DCC: variants seen among roughly 807,000 people sequenced by gnomAD.
DCC encodes the protein netrin receptor DCC.
DCC carries 58 observed loss-of-function variants against 172.5 expected under a neutral mutation model. That is an observed-to-expected ratio of 0.34 (90% CI 0.27 to 0.42). DCC has a LOEUF of 0.42. DCC is among the 10% of genes least tolerant of loss of function. DCC has a pLI of 1.00. For synonymous variants in DCC, 709 were observed against 644.5 expected (o/e 1.10, Z -1.52); for missense variants, 1,740 against 1,791.0 (o/e 0.97, Z 0.51).
At chr18:52,368,184 G>A (rs1984961316) in intron 1 of DCC, among the ~76,000 whole-genome samples, 2 of 152,220 alleles carry the variant, frequency 1.3e-5, no homozygotes, top group Admixed American at 6.5e-5. Context: ...CCTTGAAGGA[G>A]TAGTCACGAG....
chr18:52,362,816 A>G (rs1372513901), intron 1 of DCC, among the ~76,000 whole-genome samples: 1 of 152,144 alleles, frequency 6.6e-6, no homozygotes, highest in Admixed American at 6.6e-5. Flanking sequence ...ATAAACCAAA[A>G]GAGCATTTAT....
chr18:52,416,413 A>G (rs1431025713), intron 1 of DCC, among the ~76,000 whole-genome samples: 1 of 152,056 alleles, frequency 6.6e-6, no homozygotes, highest in Non-Finnish European at 1.5e-5. Context: ...GCTGAGTTCA[A>G]TTCCTGGGTG....
intron 21 of DCC, among the ~76,000 whole-genome samples, chr18:53,423,260 C>T (rs1020547903): frequency 6.6e-6 from 1 of 152,146 alleles, no homozygotes; most frequent in African/African-American, 2.4e-5. Flanking sequence ...ATGCCATTTC[C>T]TTGTACAGAT....
chr18:52,945,144 T>G (rs2040521375), intron 5 of DCC, among the ~76,000 whole-genome samples: 1 of 152,196 alleles, frequency 6.6e-6, no homozygotes, highest in African/African-American at 2.4e-5. Context: ...CAAAGTAACC[T>G]CTAAAAATAA....
chr18:52,482,665 T>G (rs1200617499), intron 1 of DCC, among the ~76,000 whole-genome samples: 1 of 152,154 alleles, frequency 6.6e-6, no homozygotes, highest in East Asian at 1.9e-4. Context: ...TCTCAAAAGC[T>G]CTACCTCTTA....
At chr18:52,985,340 T>C (rs1416794705) in intron 5 of DCC, among the ~76,000 whole-genome samples, 1 of 152,182 alleles carries the variant, frequency 6.6e-6, no homozygotes, top group African/African-American at 2.4e-5. Flanking sequence ...ACTTACTTAA[T>C]AGTACAGCTG....
intron 12 of DCC, among the ~76,000 whole-genome samples, chr18:53,269,738 A>G (rs780031558): frequency 1.3e-4 from 20 of 152,090 alleles, no homozygotes; most frequent in Non-Finnish European, 2.2e-4. Context: ...ATGTTAAGGA[A>G]CAGTCCCAAA....
At chr18:52,883,649 T>C (rs1598896704) in intron 2 of DCC, among the ~76,000 whole-genome samples, 1 of 152,048 alleles carries the variant, frequency 6.6e-6, no homozygotes, top group Non-Finnish European at 1.5e-5. Flanking sequence ...CTGTGACTTA[T>C]TGTACTTATT....
chr18:53,450,460 T>C lies in DCC; in HGVS notation c.3230-40T>C, dbSNP rs756409092. ...AGAGCTTGGTAAAACTTCTGCCACA[T>C]CTTCCTAAACCTGAACTCCATTTTC... On this transcript the variant is annotated intron_variant, in intron 22 of 28. Coordinates refer to ENST00000442544, the MANE Select transcript of DCC (RefSeq NM_005215.4). 170 of 1,611,618 alleles carry C rather than the reference T, an allele frequency of 1.1e-4. 1 individual carries two copies. The highest frequency in any genetic ancestry group is 1.4e-4 in the Non-Finnish European group (164 of 1,178,698).
chr18:53,446,635 G>C (rs894372448), intron 22 of DCC, among the ~76,000 whole-genome samples: 3 of 152,130 alleles, frequency 2.0e-5, no homozygotes, highest in African/African-American at 7.2e-5. Flanking sequence ...TTACCTGCAT[G>C]CTAAAATTTA....
chr18:53,324,641 A>T (rs1024512881), intron 14 of DCC, among the ~76,000 whole-genome samples: 1 of 152,176 alleles, frequency 6.6e-6, no homozygotes. Context: ...GTCATCCTGA[A>T]TAGAGCCTAA....
chr18:53,087,193 G>A (rs2042926325), intron 7 of DCC, among the ~76,000 whole-genome samples: 1 of 152,062 alleles, frequency 6.6e-6, no homozygotes, highest in African/African-American at 2.4e-5. Context: ...TTCCACCATG[G>A]TTGAACTAGT....
At chr18:53,462,725 G>A (rs1463290316) in intron 24 of DCC, among the ~76,000 whole-genome samples, 1 of 152,046 alleles carries the variant, frequency 6.6e-6, no homozygotes, top group Admixed American at 6.6e-5. Flanking sequence ...CTGCTTTGTG[G>A]GGCCTTGTAG....
rs369778634 is a variant in DCC, at chr18:52,561,895, A to G, written c.92-190159A>G. 1.7e-4 allele frequency among the ~76,000 whole-genome samples: 26 copies of G among 152,332 alleles called. No individual in the cohort carries two copies. The East Asian group carries it at 5.0e-3, about 29-fold the overall frequency. On this transcript the variant is annotated intron_variant, in intron 1 of 28. Transcript: ENST00000442544. Reference sequence around the variant, plus strand: ...TCAGAAGCTATTTCTAAATCAGAGGATAAGTGTTTTTATCACTGGCTTTTC... The same window carrying G: ...TCAGAAGCTATTTCTAAATCAGAGGGTAAGTGTTTTTATCACTGGCTTTTC...
intron 15 of DCC, 128 bp from the exon 16 acceptor site, chr18:53,385,915 A>C: frequency 1.4e-6 from 1 of 719,846 alleles, no homozygotes; most frequent in Middle Eastern, 2.5e-4. Context: ...TCTGAATCCA[A>C]CTCACTCATT....
At chr18:52,856,494 C>T (rs958641738) in intron 2 of DCC, among the ~76,000 whole-genome samples, 2 of 151,650 alleles carry the variant, frequency 1.3e-5, no homozygotes, top group African/African-American at 4.8e-5. Flanking sequence ...GGCGTGGTGG[C>T]GGGCACCTGT....
At chr18:52,603,849 T>G (rs771879127) in intron 1 of DCC, among the ~76,000 whole-genome samples, 10 of 147,866 alleles carry the variant, frequency 6.8e-5, no homozygotes, top group Non-Finnish European at 1.5e-4. Context: ...CTTGATTTAA[T>G]TTACATAGAT....
chr18:53,429,273 A>G (rs1364800329), intron 21 of DCC, among the ~76,000 whole-genome samples: 1 of 150,804 alleles, frequency 6.6e-6, no homozygotes, highest in Non-Finnish European at 1.5e-5. Context: ...GGTCTCTGCA[A>G]GAGACCACAT....
intron 7 of DCC, among the ~76,000 whole-genome samples, chr18:53,152,133 C>G (rs191398463): frequency 6.6e-6 from 1 of 152,174 alleles, no homozygotes; most frequent in East Asian, 1.9e-4. Context: ...GCAGATGCAG[C>G]TAATAAAGCA....
Sources: allele counts gnomAD v4.1 joint callset (sites outside exome capture counted in the v4.1 genomes callset), GRCh38; gene constraint gnomAD v4.1.1; transcripts MANE v1.5; gene names NCBI Gene and HGNC (gene_info 2026-07-23, HGNC 2026-07-21).